Variants in SACS observed in about 807,000 individuals in gnomAD.
SACS encodes the protein sacsin.
A neutral mutation model predicts 348.0 loss-of-function variants in SACS; 197 were observed. That is an observed-to-expected ratio of 0.57 (90% CI 0.50 to 0.64). SACS has a LOEUF of 0.64. SACS is among the 30% of genes least tolerant of loss of function. The pLI is 0.00. For synonymous variants in SACS, 1,985 were observed against 1,910.6 expected (o/e 1.04, Z -1.02); for missense variants, 4,999 against 5,360.8 (o/e 0.93, Z 2.11).
At chr13:23,375,051 C>T (rs1871653793) in intron 3 of SACS, 68 bp downstream of exon 3, 3 of 1,356,652 alleles carry the variant, frequency 2.2e-6, no homozygotes, top group African/African-American at 1.5e-5. Context: ...TCGCCCACCC[C>T]GGGCCCTCGA....
At chr13:23,394,385 G>A (rs929488483) in intron 2 of SACS, among the ~76,000 whole-genome samples, 18 of 152,126 alleles carry the variant, frequency 1.2e-4, no homozygotes, top group African/African-American at 4.1e-4. Context: ...TCCATGCACT[G>A]AACCCTCTGC....
At chr13:23,361,349 T>C (rs1870723452) in intron 6 of SACS, among the ~76,000 whole-genome samples, 2 of 152,234 alleles carry the variant, frequency 1.3e-5, no homozygotes, top group South Asian at 2.1e-4. Flanking sequence ...GAAGCAGTAT[T>C]CTGCCTTTGC....
At chr13:23,432,515 G>C (rs910517273) in intron 1 of SACS, among the ~76,000 whole-genome samples, 3 of 152,210 alleles carry the variant, frequency 2.0e-5, no homozygotes, top group African/African-American at 7.2e-5. Flanking sequence ...CAAGATTAGG[G>C]AAGGCAGTCT....
chr13:23,352,320 C>T (rs1870011848), intron 9 of SACS, among the ~76,000 whole-genome samples: 1 of 152,244 alleles, frequency 6.6e-6, no homozygotes. Context: ...ACCAGCATCA[C>T]AGCAAATAAA....
In SACS at chr13:23,340,456, T is replaced by A. The variant is rs765678444; in HGVS notation, c.3420A>T (p.Thr1140=). The change falls in exon 10 of 10, where the codon ACA becomes ACT. Residue 1140 remains threonine, a synonymous_variant. Coordinates refer to ENST00000382292, the MANE Select transcript of SACS (RefSeq NM_014363.6). ...TLLLVLNKNH[T]LLQSSEGKMT... ...TCTTTCCTTCAGATGATTGCAACAG[T>A]GTGTGATTCTTATTTAAAACCAGTA... The A allele has an allele frequency of 6.2e-7, 1 of 1,613,744 alleles. No homozygotes were observed.
chr13:23,394,933 C>CA (rs1452739373), intron 2 of SACS, among the ~76,000 whole-genome samples: 8 of 152,226 alleles, frequency 5.3e-5, no homozygotes, highest in African/African-American at 1.9e-4. Context: ...CATACCCAGA[C>CA]ACACACCTTT....
chr13:23,421,786 T>G (rs1477819312), intron 1 of SACS, among the ~76,000 whole-genome samples: 1 of 151,988 alleles, frequency 6.6e-6, no homozygotes, highest in South Asian at 2.1e-4. Flanking sequence ...GAGCGTGGTG[T>G]TCACCAGGGG....
Position 23,330,378 on chromosome 13 carries a change from C to T in SACS, c.13498G>A (p.Val4500Ile). 1.2e-6 allele frequency: 2 copies of T among 1,614,198 alleles called. No homozygotes were observed. Among genetic ancestry groups the T allele is most frequent in the African/African-American group, 1.3e-5 (1 of 75,056 alleles). ...TTCTGAGCAAGTGCAGTTGGTTTTA[C>T]ATCTTTATCAGACTTTCCCCTCACA... ...YAVRGKSDKD[V>I]KPTALAQKIE... Residue 4500 changes from valine to isoleucine, a missense_variant, in exon 10 of 10, where the codon GTA (valine) becomes ATA (isoleucine). Coordinates refer to ENST00000382292, the MANE Select transcript of SACS (RefSeq NM_014363.6).
rs376168781 is a variant in SACS, at chr13:23,331,343, G to A, written c.12533C>T (p.Pro4178Leu). The A allele has an allele frequency of 4.0e-5, 64 of 1,613,840 alleles. No individual in the cohort carries two copies. The highest frequency in any genetic ancestry group is 5.3e-5 in the African/African-American group (4 of 74,964). Residue 4178 changes from proline to leucine, a missense_variant, in exon 10 of 10, where the codon CCG (proline) becomes CTG (leucine). Transcript: ENST00000382292. ...AACAAGGTACCCAACATATTCTCCC[G>A]GGTAAAAAACATTCATTGGGTCCAT... The part of the protein sequence containing the change: ...LLMDPMNVFY[P>L]GEYVGYLVDA...
chr13:23,426,537 G>A (rs1874184552), intron 1 of SACS, among the ~76,000 whole-genome samples: 1 of 152,068 alleles, frequency 6.6e-6, no homozygotes, highest in African/African-American at 2.4e-5. Context: ...CTACTCGGGA[G>A]GCTGAGATGG....
In SACS at chr13:23,335,060, G is replaced by A. The variant is rs780231536; in HGVS notation, c.8816C>T (p.Pro2939Leu). The A allele has an allele frequency of 8.1e-6, 13 of 1,613,086 alleles. No individual in the cohort carries two copies. Among genetic ancestry groups the A allele is most frequent in the African/African-American group, 1.3e-5 (1 of 74,964 alleles). ...LKKRYFPGSD[P>L]TLSVLQNTPI... ...GGTGTTCTGTAACACTGATAATGTT[G>A]GATCAGAACCAGGGAAATACCGTTT... The change falls in exon 10 of 10, where the codon CCA becomes CTA. Residue 2939 changes from proline (P) to leucine (L), a missense_variant. Transcript: ENST00000382292. This position sits in a 1 kb window ranked among gnomAD's most constrained non-coding sequence, Gnocchi z 4.7.
intron 2 of SACS, among the ~76,000 whole-genome samples, chr13:23,375,793 G>A (rs918064898): frequency 2.0e-5 from 3 of 151,992 alleles, no homozygotes; most frequent in South Asian, 2.1e-4. Flanking sequence ...CGCCCCGCCT[G>A]CAGAGGCGCC....
At chr13:23,374,231 G>C (rs571454301) in intron 3 of SACS, among the ~76,000 whole-genome samples, 1 of 152,236 alleles carries the variant, frequency 6.6e-6, no homozygotes, top group Non-Finnish European at 1.5e-5. Context: ...ATAAATGTGT[G>C]TCAAGGAGGG....
At chr13:23,391,843 G>A (rs1872536840) in intron 2 of SACS, among the ~76,000 whole-genome samples, 1 of 143,348 alleles carries the variant, frequency 7.0e-6, no homozygotes, top group South Asian at 2.4e-4. Context: ...TGGCAGGAAA[G>A]TACTGCAAAG....
At position 23,334,867 on chromosome 13, in the gene SACS, G is replaced by A. The variant is rs199659012; in HGVS notation, c.9009C>T (p.Gly3003=). The change falls in exon 10 of 10, where the codon GGC becomes GGT. Residue 3003 remains glycine, a synonymous_variant. Coordinates refer to ENST00000382292, the MANE Select transcript of SACS (RefSeq NM_014363.6). ...LPVVRAPNID[G]SDLHSAVIIT... is the part of the protein sequence containing the mutation. ...TTATAACTGCAGAGTGCAAGTCAGAGCCATCAATATTTGGAGCCCGCACAA... is the reference window on the plus strand; with the variant it reads ...TTATAACTGCAGAGTGCAAGTCAGAACCATCAATATTTGGAGCCCGCACAA... The A allele has an allele frequency of 1.2e-6, 2 of 1,613,712 alleles. No homozygotes were observed. The highest frequency in any genetic ancestry group is 1.1e-5 in the South Asian group (1 of 91,082).
In SACS at chr13:23,334,417, C is replaced by A. The variant is rs1368110748; in HGVS notation, c.9459G>T (p.Leu3153Phe). The change falls in exon 10 of 10, where the codon TTG becomes TTT. Residue 3153 changes from leucine (L) to phenylalanine (F), a missense_variant. Coordinates refer to ENST00000382292, the MANE Select transcript of SACS (RefSeq NM_014363.6). Reference protein sequence around the residue: ...AEENEIEVEGLPLLITLDSVL... With the variant: ...AEENEIEVEGFPLLITLDSVL... ...CACTGTCCAGTGTGATGAGAAGGGGCAATCCCTCAACTTCAATCTCATTTT... is the reference window on the plus strand; with the variant it reads ...CACTGTCCAGTGTGATGAGAAGGGGAAATCCCTCAACTTCAATCTCATTTT... 1 of 1,612,696 alleles carries A rather than the reference C, an allele frequency of 6.2e-7. No individual in the cohort carries two copies. The highest frequency in any genetic ancestry group is 8.5e-7 in the Non-Finnish European group (1 of 1,179,710).
At position 23,330,381 on chromosome 13, in the gene SACS, C is replaced by T; in HGVS notation, c.13495G>A (p.Asp4499Asn). 6.2e-7 allele frequency: 1 copy of T among 1,614,186 alleles called. No homozygotes were observed. ...DYAVRGKSDK[D>N]VKPTALAQKI... ...TGAGCAAGTGCAGTTGGTTTTACAT[C>T]TTTATCAGACTTTCCCCTCACAGCA... Residue 4499 changes from aspartate to asparagine, a missense_variant, in exon 10 of 10, where the codon GAT becomes AAT. Asp to Asn is a conservative substitution (Grantham distance 23, BLOSUM62 1). This residue lies in a region of SACS where 254 missense variants were observed against 275.1 expected (regional missense o/e 0.92). Coordinates refer to ENST00000382292, the MANE Select transcript of SACS (RefSeq NM_014363.6).
At chr13:23,395,992 G>A (rs1268825032) in intron 2 of SACS, among the ~76,000 whole-genome samples, 1 of 152,090 alleles carries the variant, frequency 6.6e-6, no homozygotes, top group Admixed American at 6.6e-5. Flanking sequence ...TCCCTTTAAG[G>A]ATTTCTATTC....
At chr13:23,379,363 G>C (rs1007963744) in intron 2 of SACS, among the ~76,000 whole-genome samples, 2 of 152,146 alleles carry the variant, frequency 1.3e-5, no homozygotes, top group African/African-American at 4.8e-5. Flanking sequence ...GCCTGTGCTC[G>C]GGGACTGCTC....
Sources: gnomAD v4.1 joint callset for allele counts (sites outside exome capture counted in the v4.1 genomes callset) on GRCh38, gnomAD v4.1.1 for gene constraint, gnomAD v4.1.1 regional missense constraint, Gnocchi (gnomAD v3.1) non-coding constraint, MANE v1.5 for transcripts, NCBI Gene and HGNC (gene_info 2026-07-23, HGNC 2026-07-21) for gene names.